Variants in ATF6B observed in about 807,000 individuals in gnomAD.
The protein encoded by ATF6B is cyclic AMP-dependent transcription factor ATF-6 beta.
Under a neutral mutation model 83.5 loss-of-function variants are expected in ATF6B, and 50 were observed. The observed-to-expected ratio is 0.60, with a 90% confidence interval of 0.48 to 0.76. The LOEUF (loss-of-function observed/expected upper bound fraction) is 0.76. Among genes scored for constraint, ATF6B ranks in the 30% least tolerant of loss-of-function variants. The probability of loss-of-function intolerance (pLI) is 0.00; values close to 1 mark genes in which losing one functional copy is unlikely to be tolerated. For missense variants in ATF6B, 790 were observed against 893.8 expected (o/e 0.88, Z 1.48); for synonymous variants, 344 against 362.8 (o/e 0.95, Z 0.59).
At chr6:32,127,301 G>A in intron 3 of ATF6B, 107 bp from the exon 4 acceptor site, 3 of 1,371,966 alleles carry the variant, frequency 2.2e-6, no homozygotes, top group South Asian at 2.7e-5. Flanking sequence ...CAAGGGAGAA[G>A]AAACAAAAAT....
rs774515699 is a variant in ATF6B, at chr6:32,127,729, A to C, written c.113T>G (p.Leu38Arg). The C allele has an allele frequency of 6.2e-7, 1 of 1,614,166 alleles. No individual in the cohort carries two copies. Among genetic ancestry groups the C allele is most frequent in the East Asian group, 2.2e-5 (1 of 44,880 alleles). ...GLQNSTLYSGLDEVAEEQTQL... is the reference protein window; with the variant it reads ...GLQNSTLYSGRDEVAEEQTQL... ...CGTCTGCTCCTCGGCCACTTCATCTAGGCCAGAATACAAGGTGCTGTCTGC... is the reference window on the plus strand; with the variant it reads ...CGTCTGCTCCTCGGCCACTTCATCTCGGCCAGAATACAAGGTGCTGTCTGC... The change falls in exon 2 of 18, where the codon CTA becomes CGA. Residue 38 changes from leucine (L) to arginine (R), a missense_variant. Around this residue, in one of 3 missense-constraint regions of ATF6B, gnomAD observed 253 missense variants for 243.1 expected, o/e 1.04. Coordinates refer to ENST00000375203, the MANE Select transcript of ATF6B (RefSeq NM_004381.5).
In ATF6B at chr6:32,128,173, TCAG is replaced by T; in HGVS notation, c.32_34del (p.Ala11del). The T allele has an allele frequency of 6.2e-7, 1 of 1,612,390 alleles. No homozygotes were observed. The highest frequency in any genetic ancestry group is 8.5e-7 in the Non-Finnish European group (1 of 1,179,782). Reference sequence around the variant, plus strand: ...GTTGTCGGTGAAGAAACGCGTCGGGTCAGCAATCTCGCTGAGCAGCATCAGCTC... The same window carrying T: ...GTTGTCGGTGAAGAAACGCGTCGGGTCAATCTCGCTGAGCAGCATCAGCTC... On this transcript the variant is annotated inframe_deletion, in exon 1 of 18. Transcript: ENST00000375203.
chr6:32,127,024 C>T (rs1782007456), intron 4 of ATF6B, 79 bp downstream of exon 4: 1 of 1,265,824 alleles, frequency 7.9e-7, no homozygotes, highest in Non-Finnish European at 1.1e-6. Flanking sequence ...TCATTTAAAT[C>T]ATTTCTTTGT....
Position 32,116,393 on chromosome 6 carries a change from G to T in ATF6B, c.1882+87C>A. On this transcript the variant is annotated intron_variant, in intron 17 of 17. Transcript: ENST00000375203. The surrounding 1 kb of genome is among the most constrained non-coding windows in gnomAD (Gnocchi z 5.1). ...CTGTGGGTCCAGCAGCTCTCTGGATGCCCTGCTCCTCTCCCCCTTCCCCCT... is the reference window on the plus strand; with the variant it reads ...CTGTGGGTCCAGCAGCTCTCTGGATTCCCTGCTCCTCTCCCCCTTCCCCCT... The T allele has an allele frequency of 7.8e-7, 1 of 1,284,824 alleles. No individual in the cohort carries two copies. The highest frequency in any genetic ancestry group is 1.5e-5 in the African/African-American group (1 of 67,298). 79.6% of individuals were successfully genotyped at this position (1,284,824 alleles called of 1,614,324 possible).
intron 5 of ATF6B, among the ~76,000 whole-genome samples, chr6:32,122,957 C>T (rs556009240): frequency 1.3e-5 from 2 of 151,820 alleles, no homozygotes; most frequent in South Asian, 2.1e-4. Context: ...TGGTGGCTCA[C>T]GCCTGTAATC....
intron 5 of ATF6B, among the ~76,000 whole-genome samples, chr6:32,124,764 A>G (rs1420100205): frequency 6.6e-6 from 1 of 151,800 alleles, no homozygotes; most frequent in African/African-American, 2.4e-5. Context: ...CTCTCAGGAA[A>G]CCCTTCTTCC....
chr6:32,126,851 C>T (rs1781999988), intron 4 of ATF6B, among the ~76,000 whole-genome samples: 1 of 151,594 alleles, frequency 6.6e-6, no homozygotes, highest in African/African-American at 2.4e-5. Flanking sequence ...CAGAGGGAGG[C>T]CCTATCTCAA....
At chr6:32,126,094 T>C (rs746148863) in intron 5 of ATF6B, 23 bp downstream of exon 5, 16 of 1,613,360 alleles carry the variant, frequency 9.9e-6, no homozygotes, top group East Asian at 4.5e-5. Context: ...GAGCCAAGGA[T>C]TGGGGGCAGG....
chr6:32,115,932 T>C lies in ATF6B; in HGVS notation c.1919A>G (p.Glu640Gly). The C allele has an allele frequency of 6.2e-7, 1 of 1,613,996 alleles. No homozygotes were observed. The highest frequency in any genetic ancestry group is 8.5e-7 in the Non-Finnish European group (1 of 1,179,942). Reference sequence around the variant, plus strand: ...CTCACACTCGATCTGCATCATCTCCTCATAGTCCCCCGGGGCCCCACGGCC... The same window carrying C: ...CTCACACTCGATCTGCATCATCTCCCCATAGTCCCCCGGGGCCCCACGGCC... ...LSGRGAPGDY[E>G]EMMQIECEVM... Residue 640 changes from glutamate (E) to glycine (G), a missense_variant, in exon 18 of 18, where the codon GAG becomes GGG. Around this residue, in one of 3 missense-constraint regions of ATF6B, gnomAD observed 530 missense variants for 632.6 expected, o/e 0.84. Coordinates refer to ENST00000375203, the MANE Select transcript of ATF6B (RefSeq NM_004381.5).
chr6:32,120,780 G>T lies in ATF6B; in HGVS notation c.823C>A (p.Pro275Thr). 4 of 1,610,216 alleles carry T rather than the reference G, an allele frequency of 2.5e-6. No homozygotes were observed. The highest frequency in any genetic ancestry group is 3.4e-6 in the Non-Finnish European group (4 of 1,177,980). ...TTVLLQSLVQ[P>T]PPVSPVVLIQ... is the part of the protein sequence containing the mutation. ...TCTCCTTCTTCAGTACCTGGGGGTGGCTGGACGAGGGACTGCAGAAGGACT... is the reference window on the plus strand; with the variant it reads ...TCTCCTTCTTCAGTACCTGGGGGTGTCTGGACGAGGGACTGCAGAAGGACT... Residue 275 changes from proline to threonine, a missense_variant, in exon 8 of 18, where the codon CCA becomes ACA. This residue lies in a region of ATF6B where 530 missense variants were observed against 632.6 expected (regional missense o/e 0.84). Transcript: ENST00000375203.
intron 5 of ATF6B, 71 bp downstream of exon 5, chr6:32,126,046 C>G (rs1781959389): frequency 1.9e-6 from 3 of 1,586,572 alleles, no homozygotes; most frequent in Non-Finnish European, 2.6e-6. Flanking sequence ...TCCATCTACA[C>G]ACATACACAC....
Position 32,116,032 on chromosome 6 carries a change from G to A in ATF6B, c.1883-64C>T. ...GGCAAACAGGGATTGCAGGGAGGAG[G>A]GGAGGAGGTCAGAAAAGTAGAGGTG... On this transcript the variant is annotated intron_variant, in intron 17 of 17. Coordinates refer to ENST00000375203, the MANE Select transcript of ATF6B (RefSeq NM_004381.5). This position sits in a 1 kb window ranked among gnomAD's most constrained non-coding sequence, Gnocchi z 5.1. 2 of 1,326,128 alleles carry A rather than the reference G, an allele frequency of 1.5e-6. No homozygotes were observed. The highest frequency in any genetic ancestry group is 2.1e-6 in the Non-Finnish European group (2 of 943,324). 82.1% of individuals were successfully genotyped at this position (1,326,128 alleles called of 1,614,324 possible).
chr6:32,116,556 C>T lies in ATF6B; in HGVS notation c.1806G>A (p.Leu602=). ...FYVVSFRRDH[L]LLPAISHNKT... is the part of the protein sequence containing the mutation. Reference sequence around the variant, plus strand: ...TGTTGTGGCTGATGGCTGGGAGCAGCAGGTGGTCCTGGGGAACAGATGGGC... The same window carrying T: ...TGTTGTGGCTGATGGCTGGGAGCAGTAGGTGGTCCTGGGGAACAGATGGGC... Residue 602 remains leucine, a synonymous_variant, in exon 17 of 18, where the codon CTG becomes CTA. Coordinates refer to ENST00000375203, the MANE Select transcript of ATF6B (RefSeq NM_004381.5). The surrounding 1 kb of genome is among the most constrained non-coding windows in gnomAD (Gnocchi z 5.1). The T allele has an allele frequency of 6.3e-7, 1 of 1,598,490 alleles. No individual in the cohort carries two copies.
At chr6:32,122,071 A>G (rs115341494) in intron 5 of ATF6B, among the ~76,000 whole-genome samples, 2,214 of 152,194 alleles carry the variant, frequency 0.015, 41 homozygotes, top group Admixed American at 0.036. Context: ...TCCCTGCCCA[A>G]TGCATCTCCA....
At position 32,125,304 on chromosome 6, in the gene ATF6B, T is replaced by C. The variant is rs899592829; in HGVS notation, c.478+813A>G. On this transcript the variant is annotated intron_variant, in intron 5 of 17. Transcript: ENST00000375203. This position sits in a 1 kb window ranked among gnomAD's most constrained non-coding sequence, Gnocchi z 4.1. Reference sequence around the variant, plus strand: ...ATGGAGTAGGTGCTTAATAAATATTTCTTTTTTATAATTATTATACCTCAG... The same window carrying C: ...ATGGAGTAGGTGCTTAATAAATATTCCTTTTTTATAATTATTATACCTCAG... Among the ~76,000 whole-genome samples, 4 of 152,258 alleles carry C rather than the reference T, an allele frequency of 2.6e-5. No individual in the cohort carries two copies. The highest frequency in any genetic ancestry group is 9.6e-5 in the African/African-American group (4 of 41,470).
rs1420178752 is a variant in ATF6B, at chr6:32,117,743, C to T, written c.1425-49G>A. On this transcript the variant is annotated intron_variant, in intron 12 of 17. Coordinates refer to ENST00000375203, the MANE Select transcript of ATF6B (RefSeq NM_004381.5). This position sits in a 1 kb window ranked among gnomAD's most constrained non-coding sequence, Gnocchi z 5.0. ...AACACTTGGAGACTGCCCAGCACTC[C>T]CACAACAAAGAAGGCGATGACGGCA... The T allele has an allele frequency of 1.9e-6, 3 of 1,597,898 alleles. No homozygotes were observed. Among genetic ancestry groups the T allele is most frequent in the Non-Finnish European group, 2.6e-6 (3 of 1,170,966 alleles).
At position 32,115,948 on chromosome 6, in the gene ATF6B, C is replaced by T. The variant is rs1206659319; in HGVS notation, c.1903G>A (p.Ala635Thr). Reference sequence around the variant, plus strand: ...ATCATCTCCTCATAGTCCCCCGGGGCCCCACGGCCTGACAGGGTCTCTGTG... The same window carrying T: ...ATCATCTCCTCATAGTCCCCCGGGGTCCCACGGCCTGACAGGGTCTCTGTG... ...APNETLSGRG[A>T]PGDYEEMMQI... The change falls in exon 18 of 18, where the codon GCC becomes ACC. Residue 635 changes from alanine (A) to threonine (T), a missense_variant. Physicochemically the swap from Ala to Thr is moderately conservative, Grantham distance 58. This residue lies in a region of ATF6B where 530 missense variants were observed against 632.6 expected (regional missense o/e 0.84). Coordinates refer to ENST00000375203, the MANE Select transcript of ATF6B (RefSeq NM_004381.5). The T allele has an allele frequency of 1.9e-6, 3 of 1,613,680 alleles. No individual in the cohort carries two copies. Among genetic ancestry groups the T allele is most frequent in the Non-Finnish European group, 2.5e-6 (3 of 1,179,752 alleles).
At position 32,127,741 on chromosome 6, in the gene ATF6B, A is replaced by G; in HGVS notation, c.101T>C (p.Leu34Ser). 1 of 1,614,132 alleles carries G rather than the reference A, an allele frequency of 6.2e-7. No individual in the cohort carries two copies. The highest frequency in any genetic ancestry group is 8.5e-7 in the Non-Finnish European group (1 of 1,180,014). ...PEDWGLQNST[L>S]YSGLDEVAEE... ...GGCCACTTCATCTAGGCCAGAATAC[A>G]AGGTGCTGTCTGCAAGAAATGCTGA... The change falls in exon 2 of 18, where the codon TTG becomes TCG. Residue 34 changes from leucine (L) to serine (S), a missense_variant. Coordinates refer to ENST00000375203, the MANE Select transcript of ATF6B (RefSeq NM_004381.5).
intron 5 of ATF6B, among the ~76,000 whole-genome samples, chr6:32,124,555 A>T (rs1219651429): frequency 6.6e-6 from 1 of 152,068 alleles, no homozygotes; most frequent in Non-Finnish European, 1.5e-5. Context: ...TCCCTGCTTA[A>T]TTCTCCAAAG....
Sources: gnomAD v4.1 joint callset for allele counts (sites outside exome capture counted in the v4.1 genomes callset) on GRCh38, gnomAD v4.1.1 for gene constraint, gnomAD v4.1.1 regional missense constraint, Gnocchi (gnomAD v3.1) non-coding constraint, MANE v1.5 for transcripts, NCBI Gene and HGNC (gene_info 2026-07-23, HGNC 2026-07-21) for gene names.